Variants in PLIN3 observed in about 807,000 individuals in gnomAD.
PLIN3 encodes the protein perilipin-3.
Under a neutral mutation model 35.9 loss-of-function variants are expected in PLIN3, and 30 were observed. The ratio of observed to expected loss-of-function variants is 0.84; its 90% CI spans 0.62 to 1.13. The LOEUF (loss-of-function observed/expected upper bound fraction) is 1.13. PLIN3 is among the 50% of genes most tolerant of loss of function. The pLI is 0.00. For missense variants in PLIN3, 603 were observed against 596.9 expected (o/e 1.01, Z -0.11); for synonymous variants, 261 against 262.5 (o/e 0.99, Z 0.06).
In PLIN3 at chr19:4,851,869, C is replaced by T. The variant is rs1168873724; in HGVS notation, c.634+147G>A. On this transcript the variant is annotated intron_variant, in intron 5 of 7. Transcript: ENST00000221957. ...CTGGTGAGCAGGACAGAGGGGACTG[C>T]GTTAGTGATGAGATTCCAAGATGCC... 6 of 814,016 alleles carry T rather than the reference C, an allele frequency of 7.4e-6. No individual in the cohort carries two copies. The East Asian group carries it at 1.1e-4, about 15-fold the overall frequency. 50.4% of individuals were successfully genotyped at this position (814,016 alleles called of 1,614,324 possible).
At chr19:4,850,399 C>T (rs899429557) in intron 5 of PLIN3, among the ~76,000 whole-genome samples, 1 of 151,622 alleles carries the variant, frequency 6.6e-6, no homozygotes, top group Non-Finnish European at 1.5e-5. Context: ...CGCCTGCCAC[C>T]GCACCTGGCT....
rs778826060 is a variant in PLIN3 at position 4,839,165 on chromosome 19, G to A, written c.*27C>T. The A allele has an allele frequency of 1.3e-6, 2 of 1,552,560 alleles. No homozygotes were observed. Among genetic ancestry groups the A allele is most frequent in the East Asian group, 2.3e-5 (1 of 44,146 alleles). ...AGAGCACAGCTGCATTATAGAGACG[G>A]GGCCCGCTGAGTCCTCTCCTCTCCC... On this transcript the variant is annotated 3_prime_UTR_variant, in exon 8 of 8. Coordinates refer to ENST00000221957, the MANE Select transcript of PLIN3 (RefSeq NM_005817.5).
At chr19:4,846,567 C>A (rs1004018334) in intron 6 of PLIN3, among the ~76,000 whole-genome samples, 1 of 151,992 alleles carries the variant, frequency 6.6e-6, no homozygotes, top group African/African-American at 2.4e-5. Context: ...GGCATGGTGG[C>A]AAGTGCCTGT....
intron 1 of PLIN3, among the ~76,000 whole-genome samples, chr19:4,864,611 C>T (rs1257434072): frequency 1.3e-5 from 2 of 151,962 alleles, no homozygotes; most frequent in Admixed American, 1.3e-4. Context: ...GCCACCGCAC[C>T]CAGCCAAAAT....
chr19:4,840,148 A>T (rs1349316205), intron 7 of PLIN3, among the ~76,000 whole-genome samples: 1 of 151,894 alleles, frequency 6.6e-6, no homozygotes, highest in African/African-American at 2.4e-5. Context: ...TTGCATTTTT[A>T]GTACAGATGG....
In PLIN3 at chr19:4,859,608, C is replaced by A; in HGVS notation, c.330G>T (p.Leu110=). ...LDKLEENLPI[L]QQPTEKVLAD... is the part of the protein sequence containing the mutation. The stretch of plus-strand genomic sequence containing the variant: ...TCGTTACCTTCTCCGTGGGCTGCTG[C>A]AGGATGGGGAGGTTCTCCTCCAACT... The change falls in exon 4 of 8, where the codon CTG becomes CTT. Residue 110 remains leucine, a synonymous_variant. Transcript: ENST00000221957. 1 of 1,614,088 alleles carries A rather than the reference C, an allele frequency of 6.2e-7. No homozygotes were observed. The highest frequency in any genetic ancestry group is 8.5e-7 in the Non-Finnish European group (1 of 1,179,960).
At chr19:4,843,876 C>T (rs1398415328) in intron 7 of PLIN3, among the ~76,000 whole-genome samples, 1 of 152,126 alleles carries the variant, frequency 6.6e-6, no homozygotes, top group Non-Finnish European at 1.5e-5. Flanking sequence ...GATATATAAT[C>T]CACACACCCT....
At chr19:4,865,384 G>A (rs1249713279) in intron 1 of PLIN3, among the ~76,000 whole-genome samples, 1 of 151,792 alleles carries the variant, frequency 6.6e-6, no homozygotes, top group African/African-American at 2.4e-5. Context: ...AGCTACACAG[G>A]AGGCTGAGGC....
intron 7 of PLIN3, among the ~76,000 whole-genome samples, chr19:4,844,134 G>A (rs2030002030): frequency 6.6e-6 from 1 of 152,022 alleles, no homozygotes; most frequent in African/African-American, 2.4e-5. Flanking sequence ...CAAGGCTTGA[G>A]ATAGAGTGGA....
At chr19:4,846,593 G>A (rs2030105358) in intron 6 of PLIN3, among the ~76,000 whole-genome samples, 1 of 151,896 alleles carries the variant, frequency 6.6e-6, no homozygotes. Context: ...CAGCTACTCG[G>A]GACGTGGAGG....
rs147430815 is a variant in PLIN3 at position 4,859,012 on chromosome 19, T to C, written c.348+578A>G. On this transcript the variant is annotated intron_variant, in intron 4 of 7. Coordinates refer to ENST00000221957, the MANE Select transcript of PLIN3 (RefSeq NM_005817.5). ...CCACCGCGCCCGGCCAGGAACATGG[T>C]GTTTTGATGTTTTGACTTTCCTGCC... 2.6e-4 allele frequency among the ~76,000 whole-genome samples: 39 copies of C among 151,934 alleles called. 1 individual carries two copies. The East Asian group carries it at 7.0e-3, about 27-fold the overall frequency.
At position 4,844,684 on chromosome 19, in the gene PLIN3, T is replaced by C; in HGVS notation, c.944A>G (p.Glu315Gly). The change falls in exon 7 of 8, where the codon GAG (glutamate) becomes GGG (glycine). Residue 315 changes from glutamate (E) to glycine (G), a missense_variant. Glu to Gly is a moderately conservative substitution (Grantham distance 98). Transcript: ENST00000221957. The stretch of plus-strand genomic sequence containing the variant: ...CATGGGTACCTCTGGCTTGGGCGGC[T>C]CCTTCTCGGGGCCCTGGAGCTGCTT... ...NQKQLQGPEK[E>G]PPKPEQVESR... The C allele has an allele frequency of 6.2e-7, 1 of 1,609,686 alleles. No individual in the cohort carries two copies. Among genetic ancestry groups the C allele is most frequent in the South Asian group, 1.1e-5 (1 of 90,154 alleles).
intron 4 of PLIN3, among the ~76,000 whole-genome samples, chr19:4,853,475 GCCA>G (rs2030371853): frequency 6.6e-6 from 1 of 151,602 alleles, no homozygotes; most frequent in African/African-American, 2.4e-5. Flanking sequence ...ACAAGCACAT[GCCA>G]CCATGCCGAG....
In PLIN3 at chr19:4,862,570, C is replaced by A. The variant is rs921479508; in HGVS notation, c.-17-1159G>T. Among the ~76,000 whole-genome samples the A allele has an allele frequency of 1.5e-4, 23 of 152,088 alleles. 1 individual carries two copies. The highest frequency in any genetic ancestry group is 2.9e-4 in the Non-Finnish European group (20 of 68,030). ...CCTGACCCTGCATTTCTAAAAGGCT[C>A]CCAGGCAGTGTTGATGCAGCTGGTC... On this transcript the variant is annotated intron_variant, in intron 1 of 7. Coordinates refer to ENST00000221957, the MANE Select transcript of PLIN3 (RefSeq NM_005817.5).
chr19:4,861,932 CCTTT>C (rs1161424325), intron 1 of PLIN3, among the ~76,000 whole-genome samples: 1 of 151,146 alleles, frequency 6.6e-6, no homozygotes, highest in Non-Finnish European at 1.5e-5. Flanking sequence ...CACACCTGAT[CCTTT>C]CTTTTTTTTT....
intron 1 of PLIN3, among the ~76,000 whole-genome samples, chr19:4,863,076 G>C (rs553119453): frequency 3.0e-4 from 46 of 152,174 alleles, no homozygotes; most frequent in Non-Finnish European, 6.0e-4. Flanking sequence ...AGAATCGCTT[G>C]AACCCAGGAG....
intron 7 of PLIN3, among the ~76,000 whole-genome samples, chr19:4,839,784 G>A (rs111842435): frequency 6.7e-4 from 94 of 139,526 alleles, no homozygotes; most frequent in African/African-American, 1.7e-3. Flanking sequence ...TCCTGCCTCA[G>A]CCTCCCGAGT....
chr19:4,843,731 G>T (rs1324881669), intron 7 of PLIN3, among the ~76,000 whole-genome samples: 1 of 152,034 alleles, frequency 6.6e-6, no homozygotes, highest in African/African-American at 2.4e-5. Flanking sequence ...AGCTACTTGG[G>T]AGGCTGAGGC....
In PLIN3 at chr19:4,839,442, G is replaced by A. The variant is rs142693254; in HGVS notation, c.1055C>T (p.Pro352Leu). The change falls in exon 8 of 8, where the codon CCC becomes CTC. Residue 352 changes from proline to leucine, a missense_variant. Pro to Leu is a moderately conservative substitution (Grantham distance 98). Coordinates refer to ENST00000221957, the MANE Select transcript of PLIN3 (RefSeq NM_005817.5). Reference protein sequence around the residue: ...TSLGSSIQGLPTNVKDQVQQA... With the variant: ...TSLGSSIQGLLTNVKDQVQQA... Reference sequence around the variant, plus strand: ...CTGCACCTGGTCCTTCACATTGGTGGGGAGGCCCTGAATGCTGGACCCCAG... The same window carrying A: ...CTGCACCTGGTCCTTCACATTGGTGAGGAGGCCCTGAATGCTGGACCCCAG... 1 of 1,597,250 alleles carries A rather than the reference G, an allele frequency of 6.3e-7. No homozygotes were observed. Among genetic ancestry groups the A allele is most frequent in the African/African-American group, 1.3e-5 (1 of 74,678 alleles).
Sources: gnomAD v4.1 joint callset for allele counts (sites outside exome capture counted in the v4.1 genomes callset) on GRCh38, gnomAD v4.1.1 for gene constraint, MANE v1.5 for transcripts, NCBI Gene and HGNC (gene_info 2026-07-23, HGNC 2026-07-21) for gene names.